Variants in NME9 observed in about 807,000 individuals in gnomAD.
NME9 encodes thioredoxin domain-containing protein 6.
A neutral mutation model predicts 44.4 loss-of-function variants in NME9; 48 were observed. That is an observed-to-expected ratio of 1.08 (90% CI 0.86 to 1.37). The LOEUF (loss-of-function observed/expected upper bound fraction) is 1.37. Ranked by LOEUF, NME9 falls within the 40% of genes most tolerant of loss-of-function variation. NME9 has a pLI of 0.00. For missense variants in NME9, 325 were observed against 405.2 expected (o/e 0.80, Z 1.70); for synonymous variants, 139 against 147.1 (o/e 0.94, Z 0.40).
intron 8 of NME9, among the ~76,000 whole-genome samples, chr3:138,263,286 CGGTT>C (rs879499365): frequency 6.6e-6 from 1 of 152,214 alleles, no homozygotes; most frequent in Non-Finnish European, 1.5e-5. Flanking sequence ...AAGTTTCAGT[CGGTT>C]GGTAAGAAAG....
At chr3:138,264,040 T>C in intron 8 of NME9, 1 of 1,174,396 alleles carries the variant, frequency 8.5e-7, no homozygotes, top group East Asian at 2.4e-5. Context: ...ATGCTTGAAG[T>C]GTACATTAGT....
chr3:138,319,702 T>C (rs2053342016), intron 2 of NME9, 121 bp from the exon 3 acceptor site: 6 of 641,028 alleles, frequency 9.4e-6, no homozygotes, highest in Non-Finnish European at 1.7e-5. Flanking sequence ...GGATATCTAA[T>C]GGTTAAAGGG....
Position 138,301,577 on chromosome 3 carries a change from C to T in NME9, c.*63G>A. On this transcript the variant is annotated 3_prime_UTR_variant, in exon 11 of 11. Transcript: ENST00000333911. Reference sequence around the variant, plus strand: ...GTACTCAAAAGAGTAAGTTCCGATTCCGGAGGTCTGTTTTGTGCAGTAGAC... The same window carrying T: ...GTACTCAAAAGAGTAAGTTCCGATTTCGGAGGTCTGTTTTGTGCAGTAGAC... 1 of 1,525,500 alleles carries T rather than the reference C, an allele frequency of 6.6e-7. No homozygotes were observed. The highest frequency in any genetic ancestry group is 2.1e-5 in the Admixed American group (1 of 47,956). 94.5% of individuals were successfully genotyped at this position (1,525,500 alleles called of 1,614,324 possible).
chr3:138,310,313 T>C (rs1010198180), intron 6 of NME9, among the ~76,000 whole-genome samples: 2 of 151,554 alleles, frequency 1.3e-5, no homozygotes, highest in Admixed American at 6.6e-5. Flanking sequence ...AGTAATACAA[T>C]ACTACAATAC....
intron 8 of NME9, chr3:138,287,570 A>G (rs543711150): frequency 2.5e-4 from 113 of 454,756 alleles, no homozygotes; most frequent in Non-Finnish European, 4.7e-4. Flanking sequence ...CATTTATTCA[A>G]CAAATATTGA....
At chr3:138,276,528 A>G (rs1490191298) in intron 8 of NME9, among the ~76,000 whole-genome samples, 2 of 152,220 alleles carry the variant, frequency 1.3e-5, no homozygotes, top group Non-Finnish European at 2.9e-5. Context: ...ATGAATGCCT[A>G]TAATAGAAAA....
chr3:138,269,234 C>A (rs2048557934), intron 8 of NME9, among the ~76,000 whole-genome samples: 1 of 152,102 alleles, frequency 6.6e-6, no homozygotes, highest in Admixed American at 6.6e-5. Flanking sequence ...GAAATGTATA[C>A]CCCTTTTTCT....
chr3:138,327,118 T>C (rs1354284678), intron 1 of NME9: 1 of 145,550 alleles, frequency 6.9e-6, no homozygotes, highest in Non-Finnish European at 1.5e-5. Context: ...ATCATGCCGC[T>C]GCATTCCAGC....
intron 8 of NME9, among the ~76,000 whole-genome samples, chr3:138,281,064 C>G (rs1351459444): frequency 6.6e-6 from 1 of 152,168 alleles, no homozygotes; most frequent in East Asian, 1.9e-4. Flanking sequence ...AATACATAAG[C>G]AAGTAGATAT....
rs563303471 is a variant in NME9 at position 138,295,759 on chromosome 3, T to G, written c.745+7748A>C. ...CTCACCCCAATTCCCTCTGGAGATTTACTTTTTTAGACTTCCCCAGCTATC... is the reference window on the plus strand; with the variant it reads ...CTCACCCCAATTCCCTCTGGAGATTGACTTTTTTAGACTTCCCCAGCTATC... On this transcript the variant is annotated intron_variant, in intron 8 of 8. Coordinates refer to the NME9 transcript ENST00000317876. 36 of 1,389,174 alleles carry G rather than the reference T, an allele frequency of 2.6e-5. No homozygotes were observed. The South Asian group carries it at 4.3e-4, about 16-fold the overall frequency. The allele number at this position is 1,389,174 out of a possible 1,614,324, so 86.1% of individuals were successfully genotyped here.
chr3:138,317,453 G>A (rs1366919839), intron 4 of NME9, among the ~76,000 whole-genome samples: 2 of 152,206 alleles, frequency 1.3e-5, no homozygotes, highest in Non-Finnish European at 2.9e-5. Context: ...AGCCTGGCAG[G>A]TGGCCTAAAC....
intron 8 of NME9, among the ~76,000 whole-genome samples, chr3:138,294,633 A>G (rs2051296703): frequency 6.6e-6 from 1 of 152,192 alleles, no homozygotes; most frequent in Admixed American, 6.5e-5. Context: ...TGCATAGTCT[A>G]CTTGGTATTA....
chr3:138,274,939 A>G (rs879620833), intron 8 of NME9, among the ~76,000 whole-genome samples: 2 of 152,216 alleles, frequency 1.3e-5, no homozygotes, highest in Non-Finnish European at 2.9e-5. Context: ...CGCTGATAAA[A>G]TAATTCCTCA....
chr3:138,273,349 C>T (rs2048962041), intron 8 of NME9, among the ~76,000 whole-genome samples: 1 of 152,222 alleles, frequency 6.6e-6, no homozygotes, highest in South Asian at 2.1e-4. Flanking sequence ...TCCTGTCTCC[C>T]TCTAATCCCT....
chr3:138,306,405 A>G lies in NME9; in HGVS notation c.536T>C (p.Ile179Thr). The G allele has an allele frequency of 6.2e-7, 1 of 1,608,824 alleles. No homozygotes were observed. Among genetic ancestry groups the G allele is most frequent in the Non-Finnish European group, 8.5e-7 (1 of 1,175,152 alleles). ...AVAHGKTDEIIMKIQEAGFEI... is the reference protein window; with the variant it reads ...AVAHGKTDEITMKIQEAGFEI... ...AAGTGTTGTCTCTCTTACCTTCATG[A>G]TAATCTCATCAGTCTTTCCATGGGC... The change falls in exon 7 of 11, where the codon ATC becomes ACC. Residue 179 changes from isoleucine (I) to threonine (T), a missense_variant. Ile to Thr is a moderately conservative substitution (Grantham distance 89). Coordinates refer to ENST00000333911, the MANE Select transcript of NME9 (RefSeq NM_001349018.2).
Position 138,324,931 on chromosome 3 carries a change from C to T in NME9, c.34-1G>A. On this transcript the variant is annotated splice_acceptor_variant, in intron 1 of 10. Transcript: ENST00000333911. LOFTEE classifies it high-confidence loss of function. ...AAAGCTCTTGGGTGCTGATGTTGAC[C>T]TAAAGCCAAAGAGGATCAAATGCCG... The T allele has an allele frequency of 6.2e-7, 1 of 1,613,406 alleles. No individual in the cohort carries two copies. The highest frequency in any genetic ancestry group is 8.5e-7 in the Non-Finnish European group (1 of 1,179,410).
chr3:138,294,662 C>T (rs1416963951), intron 8 of NME9, among the ~76,000 whole-genome samples: 1 of 152,120 alleles, frequency 6.6e-6, no homozygotes, highest in Non-Finnish European at 1.5e-5. Context: ...AGCTATTGTA[C>T]CTGAACATTG....
intron 6 of NME9, among the ~76,000 whole-genome samples, chr3:138,312,321 A>C (rs1031295566): frequency 1.3e-5 from 2 of 152,246 alleles, no homozygotes; most frequent in Admixed American, 1.3e-4. Flanking sequence ...AGCCATCCTG[A>C]GCAAAAATAA....
intron 2 of NME9, among the ~76,000 whole-genome samples, chr3:138,320,487 G>T (rs972058151): frequency 6.6e-6 from 1 of 152,228 alleles, no homozygotes; most frequent in African/African-American, 2.4e-5. Flanking sequence ...GATTAGCTCT[G>T]CCAATTTTAA....
Sources: allele counts gnomAD v4.1 joint callset (sites outside exome capture counted in the v4.1 genomes callset), GRCh38; gene constraint gnomAD v4.1.1; transcripts MANE v1.5; gene names NCBI Gene and HGNC (gene_info 2026-07-23, HGNC 2026-07-21).